Variants in HHIPL1 observed in about 807,000 individuals in gnomAD.
HHIPL1 encodes HHIP like 1.
HHIPL1 carries 43 observed loss-of-function variants against 61.8 expected under a neutral mutation model. That is an observed-to-expected ratio of 0.70 (90% confidence interval 0.55 to 0.90). The LOEUF (loss-of-function observed/expected upper bound fraction) is 0.90. HHIPL1 is among the 40% of genes least tolerant of loss of function. The pLI is 0.00. For missense variants in HHIPL1, 1,056 were observed against 1,157.7 expected (o/e 0.91, Z 1.28); for synonymous variants, 482 against 515.8 (o/e 0.93, Z 0.89).
At chr14:99,639,792 G>T in the HHIPL1 span, among the ~76,000 whole-genome samples, 2 of 152,154 alleles carry the variant, frequency 1.3e-5, no homozygotes, top group African/African-American at 4.8e-5. Context: ...CTCCTGAGTA[G>T]CTGGGACTAC....
chr14:99,639,348 T>TTTA, the HHIPL1 span, among the ~76,000 whole-genome samples: 35 of 152,268 alleles, frequency 2.3e-4, no homozygotes, highest in African/African-American at 7.5e-4. Context: ...TTATTTTTAT[T>TTTA]TTATTATTAT....
the HHIPL1 span, among the ~76,000 whole-genome samples, chr14:99,610,999 C>T: frequency 6.8e-4 from 103 of 152,286 alleles, no homozygotes; most frequent in Non-Finnish European, 1.1e-3. Context: ...GGAAGTAGTA[C>T]CCCTGTCCCC....
chr14:99,669,065 T>A, intron 7 of HHIPL1: 2 of 1,450,212 alleles, frequency 1.4e-6, no homozygotes, highest in Non-Finnish European at 1.8e-6. Context: ...CAACCCACGT[T>A]GCCCTCCAGG....
intron 2 of HHIPL1, among the ~76,000 whole-genome samples, chr14:99,653,588 C>T (rs2055976714): frequency 6.6e-6 from 1 of 152,118 alleles, no homozygotes; most frequent in South Asian, 2.1e-4. Context: ...CCGCCTCGGC[C>T]GAAGGTGCCA....
At position 99,660,170 on chromosome 14, in the gene HHIPL1, C is replaced by A; in HGVS notation, c.1376-110C>A. On this transcript the variant is annotated intron_variant, in intron 4 of 8. Transcript: ENST00000330710. The surrounding 1 kb of genome is among the most constrained non-coding windows in gnomAD (Gnocchi z 4.9). ...GCACGCCAGCCCTGCTGTGGGCACG[C>A]CCCTCCCTCCGTGGCCGCCCCACCC... The A allele has an allele frequency of 7.5e-7, 1 of 1,333,948 alleles. No homozygotes were observed. The highest frequency in any genetic ancestry group is 1.0e-6 in the Non-Finnish European group (1 of 966,066). 82.6% of individuals were successfully genotyped at this position (1,333,948 alleles called of 1,614,324 possible). A position where few individuals can be genotyped will look rare whatever the true frequency, so the allele number is the denominator to read the frequency against.
chr14:99,657,942 C>T (rs1184173610), intron 3 of HHIPL1, among the ~76,000 whole-genome samples: 5 of 152,230 alleles, frequency 3.3e-5, no homozygotes, highest in Non-Finnish European at 5.9e-5. Context: ...CACATACACA[C>T]ATCTACATAC....
the HHIPL1 span, among the ~76,000 whole-genome samples, chr14:99,626,670 G>GTATT: frequency 1.3e-5 from 2 of 152,356 alleles, no homozygotes; most frequent in South Asian, 4.1e-4. Context: ...CTCTGAGGCA[G>GTATT]TATTCTAGGT....
rs537725668 is a variant in HHIPL1 at position 99,670,901 on chromosome 14, A to G, written c.1731-1416A>G. 1.1e-4 allele frequency among the ~76,000 whole-genome samples: 17 copies of G among 152,182 alleles called. 1 individual carries two copies. The highest frequency in any genetic ancestry group is 2.4e-4 in the Non-Finnish European group (16 of 68,036). ...ATGCTCCTCTGAGGAAATGCTACAT[A>G]TACCAAGTGAGTGCCTAATTCATGC... On this transcript the variant is annotated intron_variant, in intron 7 of 8. Transcript: ENST00000330710.
chr14:99,671,044 G>A lies in HHIPL1; in HGVS notation c.1731-1273G>A, dbSNP rs186384773. 6.9e-4 allele frequency among the ~76,000 whole-genome samples: 105 copies of A among 152,136 alleles called. 2 individuals carry two copies. The highest frequency in any genetic ancestry group is 6.1e-3 in the Admixed American group (93 of 15,294). On this transcript the variant is annotated intron_variant, in intron 7 of 8. Coordinates refer to ENST00000330710, the MANE Select transcript of HHIPL1 (RefSeq NM_001127258.3). ...AGACTTAAGGAGTTCTCTCGCTCACGGTCTTGTGTTAGGAGCCAGAAGTGG... is the reference window on the plus strand; with the variant it reads ...AGACTTAAGGAGTTCTCTCGCTCACAGTCTTGTGTTAGGAGCCAGAAGTGG...
the HHIPL1 span, among the ~76,000 whole-genome samples, chr14:99,619,536 C>T: frequency 6.6e-6 from 1 of 151,948 alleles, no homozygotes; most frequent in Non-Finnish European, 1.5e-5. Flanking sequence ...GGTTCTCACA[C>T]CTGCGTGATG....
intron 1 of HHIPL1, among the ~76,000 whole-genome samples, chr14:99,648,503 C>T (rs747568856): frequency 6.6e-6 from 1 of 152,166 alleles, no homozygotes; most frequent in Non-Finnish European, 1.5e-5. Flanking sequence ...CCACTGTGTC[C>T]CACAGTCCGT....
chr14:99,644,030 G>A (rs1206129612), upstream of HHIPL1, among the ~76,000 whole-genome samples: 1 of 152,122 alleles, frequency 6.6e-6, no homozygotes, highest in Non-Finnish European at 1.5e-5. Flanking sequence ...TAAATTCCCC[G>A]TGTTTCAAAT....
the HHIPL1 span, among the ~76,000 whole-genome samples, chr14:99,622,062 C>G: frequency 5.3e-4 from 81 of 151,938 alleles, no homozygotes; most frequent in African/African-American, 1.7e-3. Context: ...GAAAAAGGAC[C>G]TTGCCATCAA....
chr14:99,610,620 G>T, the HHIPL1 span, among the ~76,000 whole-genome samples: 2 of 152,276 alleles, frequency 1.3e-5, no homozygotes, highest in African/African-American at 2.4e-5. Flanking sequence ...AATTAGCCAG[G>T]TGTGGTGGCA....
chr14:99,675,761 G>A lies in HHIPL1; in HGVS notation c.*135G>A. 1.1e-6 allele frequency: 1 copy of A among 884,220 alleles called. No individual in the cohort carries two copies. The highest frequency in any genetic ancestry group is 1.6e-6 in the Non-Finnish European group (1 of 609,140). The allele number at this position is 884,220 out of a possible 1,614,324, so 54.8% of individuals were successfully genotyped here. A position where few individuals can be genotyped will look rare whatever the true frequency, so the allele number is the denominator to read the frequency against. On this transcript the variant is annotated 3_prime_UTR_variant, in exon 9 of 9. Transcript: ENST00000330710. The surrounding 1 kb of genome is among the most constrained non-coding windows in gnomAD (Gnocchi z 5.4). Reference sequence around the variant, plus strand: ...CGGGTGTGTGCTGTCCTGGGGACATGTGTGAGGCGCTGCAGTGCATGTGTG... The same window carrying A: ...CGGGTGTGTGCTGTCCTGGGGACATATGTGAGGCGCTGCAGTGCATGTGTG...
the HHIPL1 span, among the ~76,000 whole-genome samples, chr14:99,622,567 C>T: frequency 3.9e-5 from 6 of 152,218 alleles, no homozygotes; most frequent in African/African-American, 7.2e-5. Flanking sequence ...GAAATTTTTT[C>T]CCATGCTCCC....
At chr14:99,661,389 AAGAG>A (rs918610029) in intron 5 of HHIPL1, among the ~76,000 whole-genome samples, 3 of 141,606 alleles carry the variant, frequency 2.1e-5, no homozygotes, top group African/African-American at 8.0e-5. Flanking sequence ...GAAAGAAAGA[AAGAG>A]AGAGAAAGAA....
chr14:99,639,335 T>G, the HHIPL1 span, among the ~76,000 whole-genome samples: 1 of 152,192 alleles, frequency 6.6e-6, no homozygotes, highest in Non-Finnish European at 1.5e-5. Context: ...GGGCCTTGGT[T>G]GTTTATTTTT....
chr14:99,626,921 T>C, the HHIPL1 span, among the ~76,000 whole-genome samples: 8 of 152,270 alleles, frequency 5.3e-5, no homozygotes, highest in African/African-American at 1.7e-4. Flanking sequence ...TTGGGGAATA[T>C]TGGGGCAGTG....
Sources: allele counts gnomAD v4.1 joint callset (sites outside exome capture counted in the v4.1 genomes callset), GRCh38; gene constraint gnomAD v4.1.1; non-coding constraint Gnocchi (gnomAD v3.1); transcripts MANE v1.5; gene names NCBI Gene and HGNC (gene_info 2026-07-23, HGNC 2026-07-21).